SPNS3: variants seen among roughly 807,000 people sequenced by gnomAD.
SPNS3 encodes SPNS lysolipid transporter 3, sphingosine-1-phosphate (putative).
In SPNS3, 51 loss-of-function variants were observed where a neutral mutation model predicts 54.4. The ratio of observed to expected loss-of-function variants is 0.94; its 90% CI spans 0.75 to 1.18. The LOEUF is 1.18. SPNS3 is among the 50% of genes most tolerant of loss of function. SPNS3 has a pLI of 0.00. For missense variants in SPNS3, 669 were observed against 677.4 expected (o/e 0.99, Z 0.14); for synonymous variants, 309 against 294.7 (o/e 1.05, Z -0.50).
At chr17:4,481,362 C>T (rs185806632) in intron 9 of SPNS3, among the ~76,000 whole-genome samples, 7 of 152,008 alleles carry the variant, frequency 4.6e-5, no homozygotes, top group African/African-American at 7.2e-5. Context: ...TCCCCTTTGC[C>T]GGCCGGCACT....
rs141838907 is a variant in SPNS3, at chr17:4,449,281, G to A, written c.817G>A (p.Val273Met). ...CCTCGGAGTGACCGCCATGGCCTTT[G>A]TGACTGGAGCCCTGGGGTTCTGGGC... Reference protein sequence around the residue: ...STLGVTAMAFVTGALGFWAPK... With the variant: ...STLGVTAMAFMTGALGFWAPK... Residue 273 changes from valine (V) to methionine (M), a missense_variant, in exon 7 of 12, where the codon GTG (valine) becomes ATG (methionine). Transcript: ENST00000355530. 1.2e-6 allele frequency: 2 copies of A among 1,612,698 alleles called. No homozygotes were observed. Among genetic ancestry groups the A allele is most frequent in the Non-Finnish European group, 1.7e-6 (2 of 1,179,942 alleles).
At chr17:4,468,721 T>TTTCTTTCTTTCTTTCTTTCTTTCTTTC in intron 8 of SPNS3, among the ~76,000 whole-genome samples, 1 of 121,450 alleles carries the variant, frequency 8.2e-6, no homozygotes, top group East Asian at 2.4e-4. Flanking sequence ...TCTCTCTTTC[T>TTTCTTTCTTTCTTTCTTTCTTTCTTTC]TTTCTTTCTT....
Position 4,453,046 on chromosome 17 carries a change from C to G in SPNS3, c.954C>G (p.Thr318=), listed in dbSNP as rs61995689. The G allele has an allele frequency of 1.2e-6, 2 of 1,613,872 alleles. No individual in the cohort carries two copies. Among genetic ancestry groups the G allele is most frequent in the East Asian group, 2.2e-5 (1 of 44,876 alleles). Residue 318 remains threonine (T), a synonymous_variant, in exon 8 of 12, where the codon ACC becomes ACG. Transcript: ENST00000355530. ...SLIFGALTIM[T]GVIGVILGAE... is the part of the protein sequence containing the mutation. ...TTTTTGGGGCACTGACCATCATGAC[C>G]GGCGTCATTGGGGTCATCTTGGGGG... is the stretch of plus-strand genomic sequence containing the variant.
chr17:4,454,278 C>T (rs1160765736), intron 8 of SPNS3, among the ~76,000 whole-genome samples: 1 of 152,260 alleles, frequency 6.6e-6, no homozygotes, highest in Non-Finnish European at 1.5e-5. Flanking sequence ...CCCAGCCCTG[C>T]CTGTCCCCCA....
intron 8 of SPNS3, among the ~76,000 whole-genome samples, chr17:4,455,821 C>T (rs1971296840): frequency 6.6e-6 from 1 of 152,200 alleles, no homozygotes; most frequent in South Asian, 2.1e-4. Flanking sequence ...TCTATGCACG[C>T]CCCTCAGGCT....
Position 4,449,253 on chromosome 17 carries a change from G to T in SPNS3, c.789G>T (p.Ser263=). ...YLGKNWSFVW[S]TLGVTAMAFV... is the part of the protein sequence containing the mutation. Reference sequence around the variant, plus strand: ...CTTGCAGCTGGAGTTTCGTGTGGTCGACCCTCGGAGTGACCGCCATGGCCT... The same window carrying T: ...CTTGCAGCTGGAGTTTCGTGTGGTCTACCCTCGGAGTGACCGCCATGGCCT... The change falls in exon 7 of 12, where the codon TCG becomes TCT. Residue 263 remains serine (S), a synonymous_variant. Coordinates refer to ENST00000355530, the MANE Select transcript of SPNS3 (RefSeq NM_182538.5). 1 of 1,610,692 alleles carries T rather than the reference G, an allele frequency of 6.2e-7. No individual in the cohort carries two copies.
intron 7 of SPNS3, among the ~76,000 whole-genome samples, chr17:4,450,150 G>A (rs1464936134): frequency 6.6e-6 from 1 of 151,572 alleles, no homozygotes; most frequent in African/African-American, 2.4e-5. Context: ...GGGGCTCCTG[G>A]GGATGCTATC....
chr17:4,441,497 T>C (rs1022579690), intron 2 of SPNS3, among the ~76,000 whole-genome samples: 27 of 152,224 alleles, frequency 1.8e-4, no homozygotes, highest in Non-Finnish European at 5.9e-5. Context: ...TCCAGCCATA[T>C]CTGTGGCCAA....
chr17:4,478,261 C>T (rs1394551440), intron 8 of SPNS3, among the ~76,000 whole-genome samples: 6 of 152,184 alleles, frequency 3.9e-5, no homozygotes, highest in African/African-American at 1.2e-4. Context: ...CTTGAGCCAC[C>T]GTGCCTGGCT....
chr17:4,455,922 G>C (rs941572778), intron 8 of SPNS3, among the ~76,000 whole-genome samples: 4 of 152,094 alleles, frequency 2.6e-5, no homozygotes, highest in East Asian at 1.9e-4. Flanking sequence ...CTCTGTGGGG[G>C]GGGGGTGAGT....
intron 7 of SPNS3, among the ~76,000 whole-genome samples, chr17:4,451,869 G>C (rs1280150751): frequency 1.3e-5 from 2 of 151,288 alleles, no homozygotes; most frequent in Non-Finnish European, 2.9e-5. Flanking sequence ...AGTAGAGACG[G>C]GGTTTTGCTG....
intron 8 of SPNS3, among the ~76,000 whole-genome samples, chr17:4,471,694 C>G (rs60770766): frequency 1.3e-5 from 2 of 150,170 alleles, no homozygotes; most frequent in Middle Eastern, 7.1e-3. Context: ...TCAAACTCCT[C>G]GGCTCAAGTG....
At chr17:4,475,774 A>G (rs1971976712) in intron 8 of SPNS3, among the ~76,000 whole-genome samples, 1 of 152,174 alleles carries the variant, frequency 6.6e-6, no homozygotes, top group South Asian at 2.1e-4. Context: ...GCAGCTTCGA[A>G]CAGTCAGCTG....
chr17:4,448,376 T>C (rs1971060169), intron 6 of SPNS3, 73 bp downstream of exon 6: 2 of 1,377,550 alleles, frequency 1.5e-6, no homozygotes, highest in Non-Finnish European at 1.9e-6. Flanking sequence ...TGACCCCCTC[T>C]CTCCACCTCC....
chr17:4,446,265 G>A, intron 4 of SPNS3, 66 bp downstream of exon 4: 1 of 1,535,334 alleles, frequency 6.5e-7, no homozygotes, highest in Non-Finnish European at 8.9e-7. Context: ...TCAGAACAGG[G>A]GCTGGACCTG....
Position 4,449,356 on chromosome 17 carries a change from T to C in SPNS3, c.892T>C (p.Cys298Arg). 2 of 1,607,226 alleles carry C rather than the reference T, an allele frequency of 1.2e-6. No homozygotes were observed. Among genetic ancestry groups the C allele is most frequent in the Non-Finnish European group, 1.7e-6 (2 of 1,179,114 alleles). Residue 298 changes from cysteine (C) to arginine (R), a missense_variant, in exon 7 of 12, where the codon TGC (cysteine) becomes CGC (arginine). By Grantham distance (180) the Cys-to-Arg change is radical. Coordinates refer to ENST00000355530, the MANE Select transcript of SPNS3 (RefSeq NM_182538.5). ...ARVVHGLQPP[C>R]FQEPCSNPDS... ...CGTGGTTCACGGGCTGCAGCCTCCC[T>C]GCTTCCAGGAGCCGTGCAGCAACCC...
chr17:4,458,273 C>G (rs1309831006), intron 8 of SPNS3, among the ~76,000 whole-genome samples: 1 of 152,212 alleles, frequency 6.6e-6, no homozygotes, highest in Non-Finnish European at 1.5e-5. Context: ...TCTTCACACA[C>G]TGCCAGAGTG....
At chr17:4,475,142 G>A (rs930665645) in intron 8 of SPNS3, among the ~76,000 whole-genome samples, 2 of 152,168 alleles carry the variant, frequency 1.3e-5, no homozygotes, top group African/African-American at 2.4e-5. Flanking sequence ...TTCCTAGCTC[G>A]AGGGGGAAAT....
chr17:4,463,647 G>T (rs1345263431), intron 8 of SPNS3, among the ~76,000 whole-genome samples: 1 of 151,160 alleles, frequency 6.6e-6, no homozygotes, highest in Non-Finnish European at 1.5e-5. Flanking sequence ...GCTGAGGTAG[G>T]AGAGTTGCTT....
Sources: allele counts gnomAD v4.1 joint callset (sites outside exome capture counted in the v4.1 genomes callset), GRCh38; gene constraint gnomAD v4.1.1; transcripts MANE v1.5; gene names NCBI Gene and HGNC (gene_info 2026-07-23, HGNC 2026-07-21).